Variants in DDX21 observed in about 807,000 individuals in gnomAD.
The protein encoded by DDX21 is nucleolar RNA helicase 2.
DDX21 carries 18 observed loss-of-function variants against 90.0 expected under a neutral mutation model. The ratio of observed to expected loss-of-function variants is 0.20; its 90% CI spans 0.14 to 0.30. The LOEUF (loss-of-function observed/expected upper bound fraction) is 0.30, where lower values mean the gene tolerates loss of function less well. Ranked by LOEUF, DDX21 falls within the 10% of genes least tolerant of loss-of-function variation. The pLI, the probability that DDX21 is intolerant of heterozygous loss-of-function variation, is 1.00. For synonymous variants in DDX21, 294 were observed against 318.0 expected, an observed-to-expected ratio of 0.92 and a Z score of 0.80; for missense variants, 673 against 944.5, an observed-to-expected ratio of 0.71 and a Z score of 3.77.
At chr10:68,957,603 C>G (rs920736919) in intron 1 of DDX21, among the ~76,000 whole-genome samples, 7 of 152,288 alleles carry the variant, frequency 4.6e-5, no homozygotes, top group African/African-American at 1.4e-4. Context: ...TTGCATCAGT[C>G]AATTGCGTTC....
At position 68,969,064 on chromosome 10, in the gene DDX21, A is replaced by C. The variant is rs769799333; in HGVS notation, c.1179A>C (p.Thr393=). Residue 393 remains threonine, a synonymous_variant, in exon 7 of 15, where the codon ACA becomes ACC. Coordinates refer to ENST00000354185, the MANE Select transcript of DDX21 (RefSeq NM_004728.4). ...FNVAKKYMKS[T]YEQVDLIGKK... The stretch of plus-strand genomic sequence containing the variant: ...TTGCCAAGAAATACATGAAATCTAC[A>C]TATGAACAGGTGGACCTGATTGGTA... 6.2e-7 allele frequency: 1 copy of C among 1,614,118 alleles called. No individual in the cohort carries two copies. The highest frequency in any genetic ancestry group is 1.1e-5 in the South Asian group (1 of 91,068).
chr10:68,972,599 C>T (rs1356835474), intron 9 of DDX21, among the ~76,000 whole-genome samples: 3 of 152,140 alleles, frequency 2.0e-5, no homozygotes, highest in Admixed American at 1.3e-4. Context: ...CTGCTTACAA[C>T]AATGGGGAAA....
chr10:68,981,871 G>C (rs1843197011), intron 14 of DDX21, among the ~76,000 whole-genome samples: 1 of 151,752 alleles, frequency 6.6e-6, no homozygotes, highest in South Asian at 2.1e-4. Flanking sequence ...GTGTGTGTGT[G>C]TGCATGTGTG....
chr10:68,957,693 G>T (rs1842817499), intron 1 of DDX21, among the ~76,000 whole-genome samples: 1 of 152,210 alleles, frequency 6.6e-6, no homozygotes, highest in Non-Finnish European at 1.5e-5. Flanking sequence ...GGGAAACTCA[G>T]TCTTATTTGG....
At chr10:68,980,096 C>T (rs1564630581) in intron 13 of DDX21, among the ~76,000 whole-genome samples, 4 of 152,040 alleles carry the variant, frequency 2.6e-5, no homozygotes, top group South Asian at 4.1e-4. Context: ...CAAAATTAGC[C>T]GAGGATAATG....
At chr10:68,960,710 G>A (rs987912273) in intron 2 of DDX21, among the ~76,000 whole-genome samples, 3 of 151,136 alleles carry the variant, frequency 2.0e-5, no homozygotes, top group South Asian at 2.1e-4. Context: ...TGATCTGCCC[G>A]CCTGGGCCTC....
chr10:68,974,617 T>C (rs1004364108), intron 10 of DDX21, 53 bp from the exon 11 acceptor site: 1 of 1,474,120 alleles, frequency 6.8e-7, no homozygotes, highest in South Asian at 1.2e-5. Flanking sequence ...GCTTATCTTA[T>C]TGGAAACAAT....
At chr10:68,959,515 A>G (rs1389104663) in intron 1 of DDX21, among the ~76,000 whole-genome samples, 2 of 152,128 alleles carry the variant, frequency 1.3e-5, no homozygotes, top group African/African-American at 4.8e-5. Context: ...CTGTTTTACA[A>G]CTGTTTGACC....
intron 7 of DDX21, among the ~76,000 whole-genome samples, chr10:68,969,527 C>CT (rs1198634603): frequency 5.3e-5 from 8 of 152,194 alleles, no homozygotes; most frequent in Non-Finnish European, 1.0e-4. Context: ...ATCTGCCCAT[C>CT]TCGGCCTCCC....
At chr10:68,973,886 T>C (rs74504049) in intron 10 of DDX21, among the ~76,000 whole-genome samples, 7,470 of 152,192 alleles carry the variant, frequency 0.049, 575 homozygotes, top group African/African-American at 0.17. Context: ...GAAAGGAAGT[T>C]TTCAGACAAT....
chr10:68,968,861 C>T (rs1205063477), intron 6 of DDX21, 115 bp from the exon 7 acceptor site: 3 of 1,229,584 alleles, frequency 2.4e-6, no homozygotes, highest in Non-Finnish European at 3.4e-6. Flanking sequence ...CCCGACTTGG[C>T]CTCAGGTGGT....
In DDX21 at chr10:68,983,577, G is replaced by T. The variant is rs1843225258; in HGVS notation, c.*765G>T. 1 of 151,792 alleles carries T rather than the reference G, an allele frequency of 6.6e-6. No individual in the cohort carries two copies. Among genetic ancestry groups the T allele is most frequent in the African/African-American group, 2.4e-5 (1 of 41,294 alleles). The allele number at this position is 151,792 out of a possible 1,614,324, so 9.4% of individuals were successfully genotyped here. ...GCTCCATAGCTTTATTTGTAAGTAG[G>T]CTGGATAAATGGTGCTTAAATGGTA... On this transcript the variant is annotated 3_prime_UTR_variant, in exon 15 of 15. Coordinates refer to ENST00000354185, the MANE Select transcript of DDX21 (RefSeq NM_004728.4).
chr10:68,969,131 T>C lies in DDX21; in HGVS notation c.1236+10T>C. On this transcript the variant is annotated intron_variant, in intron 7 of 14. Coordinates refer to ENST00000354185, the MANE Select transcript of DDX21 (RefSeq NM_004728.4). The stretch of plus-strand genomic sequence containing the variant: ...GGCAATAACTGTGGAGGTAAATTAT[T>C]TACTTAGTTGCCAGAATATAAAATT... 1.9e-6 allele frequency: 3 copies of C among 1,602,454 alleles called. No homozygotes were observed. Among genetic ancestry groups the C allele is most frequent in the Non-Finnish European group, 2.5e-6 (3 of 1,177,478 alleles).
chr10:68,981,857 G>T (rs189334814), intron 14 of DDX21, among the ~76,000 whole-genome samples: 5,648 of 152,038 alleles, frequency 0.037, 325 homozygotes, highest in African/African-American at 0.12. Flanking sequence ...GATTTTGTGT[G>T]TGTGTGTGTG....
At chr10:68,974,792 C>A in intron 11 of DDX21, 49 bp downstream of exon 11, 2 of 1,514,996 alleles carry the variant, frequency 1.3e-6, no homozygotes, top group Non-Finnish European at 1.8e-6. Flanking sequence ...GGTTCAAATA[C>A]TGCATGTCTT....
At chr10:68,978,795 G>A (rs781090500) in intron 12 of DDX21, 47 bp from the exon 13 acceptor site, 1 of 1,575,174 alleles carries the variant, frequency 6.3e-7, no homozygotes, top group Non-Finnish European at 8.6e-7. Flanking sequence ...TATCAATTAG[G>A]TTTATTTTCA....
At chr10:68,971,080 C>T (rs1270917039) in intron 8 of DDX21, among the ~76,000 whole-genome samples, 1 of 150,250 alleles carries the variant, frequency 6.7e-6, no homozygotes, top group Non-Finnish European at 1.5e-5. Flanking sequence ...GCATGCACCA[C>T]CATACCTGGC....
Position 68,970,269 on chromosome 10 carries a change from T to C in DDX21, c.1305T>C (p.Ser435=). ...TTGGGGATGTCATCCGAGTATATAG[T>C]GGTCATCAAGGACGCACTATCATCT... ...AVIGDVIRVY[S]GHQGRTIIFC... is the part of the protein sequence containing the mutation. Residue 435 remains serine (S), a synonymous_variant, in exon 8 of 15, where the codon AGT becomes AGC. Coordinates refer to ENST00000354185, the MANE Select transcript of DDX21 (RefSeq NM_004728.4). 6.2e-7 allele frequency: 1 copy of C among 1,614,100 alleles called. No individual in the cohort carries two copies. The highest frequency in any genetic ancestry group is 8.5e-7 in the Non-Finnish European group (1 of 1,179,996).
At chr10:68,971,390 A>C (rs1439959203) in intron 8 of DDX21, among the ~76,000 whole-genome samples, 1 of 151,896 alleles carries the variant, frequency 6.6e-6, no homozygotes, top group African/African-American at 2.4e-5. Flanking sequence ...ACCCACCCCC[A>C]ACTAATTTTA....
Sources: gnomAD v4.1 joint callset for allele counts (sites outside exome capture counted in the v4.1 genomes callset) on GRCh38, gnomAD v4.1.1 for gene constraint, MANE v1.5 for transcripts, NCBI Gene and HGNC (gene_info 2026-07-23, HGNC 2026-07-21) for gene names.